The following MTSS1 variants were observed in gnomAD, a reference collection of about 807,000 sequenced individuals.
MTSS1 encodes MTSS I-BAR domain containing 1.
Under a neutral mutation model 79.0 loss-of-function variants are expected in MTSS1, and 18 were observed. The observed-to-expected ratio is 0.23, with a 90% CI of 0.16 to 0.34. The LOEUF (loss-of-function observed/expected upper bound fraction) is 0.34. MTSS1 is among the 10% of genes least tolerant of loss of function. The pLI is 1.00. For missense variants in MTSS1, 815 were observed against 986.2 expected (o/e 0.83, Z 2.33); for synonymous variants, 341 against 368.6 (o/e 0.93, Z 0.86).
Position 124,597,866 on chromosome 8 carries a change from G to A in MTSS1, c.209-6631C>T, listed in dbSNP as rs1220615954. On this transcript the variant is annotated intron_variant, in intron 3 of 13. Transcript: ENST00000518547. This position sits in a 1 kb window ranked among gnomAD's most constrained non-coding sequence, Gnocchi z 4.6. ...AGACAGAACCAGAGGAGAGGAGAAC[G>A]CTCTCAGGCATCTCTGCAGGAGAGG... is the stretch of plus-strand genomic sequence containing the variant. Among the ~76,000 whole-genome samples the A allele has an allele frequency of 1.3e-5, 2 of 152,232 alleles. No individual in the cohort carries two copies. The highest frequency in any genetic ancestry group is 2.4e-5 in the African/African-American group (1 of 41,454).
intron 3 of MTSS1, among the ~76,000 whole-genome samples, chr8:124,693,938 C>T (rs1564008918): frequency 6.6e-6 from 1 of 151,982 alleles, no homozygotes. Context: ...GCTCCTAGGC[C>T]CTTTATAGGT....
At chr8:124,620,975 T>C (rs1375740729) in intron 3 of MTSS1, among the ~76,000 whole-genome samples, 2 of 152,122 alleles carry the variant, frequency 1.3e-5, no homozygotes, top group Non-Finnish European at 2.9e-5. Context: ...TCCAGCCCCT[T>C]CCTGGTATCC....
At chr8:124,721,888 C>T (rs182044795) in intron 1 of MTSS1, among the ~76,000 whole-genome samples, 8 of 152,312 alleles carry the variant, frequency 5.3e-5, no homozygotes, top group Non-Finnish European at 1.2e-4. Flanking sequence ...TAACCACACG[C>T]ATGCAGCCAA....
At chr8:124,578,749 C>T (rs535429939) in intron 6 of MTSS1, among the ~76,000 whole-genome samples, 51 of 152,070 alleles carry the variant, frequency 3.4e-4, no homozygotes, top group Admixed American at 3.3e-4. Flanking sequence ...GAGCCGAGAT[C>T]GTGTCACTGA....
chr8:124,556,953 G>A (rs934600231), intron 11 of MTSS1, among the ~76,000 whole-genome samples: 9 of 152,208 alleles, frequency 5.9e-5, no homozygotes, highest in Admixed American at 3.3e-4. Context: ...GCCTTGAGAG[G>A]CCCACACCGC....
At chr8:124,627,965 G>A (rs1815066140) in intron 3 of MTSS1, among the ~76,000 whole-genome samples, 1 of 152,194 alleles carries the variant, frequency 6.6e-6, no homozygotes, top group Admixed American at 6.5e-5. Flanking sequence ...TCAGGAGTTA[G>A]AGACCAGCCT....
intron 13 of MTSS1, among the ~76,000 whole-genome samples, chr8:124,555,255 T>A (rs562189886): frequency 9.2e-5 from 14 of 151,564 alleles, no homozygotes; most frequent in African/African-American, 2.9e-4. Flanking sequence ...TTTATTATTA[T>A]TTTTTTTTGA....
At chr8:124,632,972 T>C (rs1816285756) in intron 3 of MTSS1, among the ~76,000 whole-genome samples, 1 of 151,434 alleles carries the variant, frequency 6.6e-6, no homozygotes, top group African/African-American at 2.4e-5. Context: ...CCGGCCTCAA[T>C]CCTGCCTTTC....
rs78802794 is a variant in MTSS1, at chr8:124,591,111, G to C, written c.293+40C>G. 4.0e-4 allele frequency: 613 copies of C among 1,543,808 alleles called. 2 individuals carry two copies. The African/African-American group carries it at 7.4e-3, about 19-fold the overall frequency. On this transcript the variant is annotated intron_variant, in intron 4 of 13. Transcript: ENST00000518547. ...TGACTGCTTCCTTAACCTGAAATCTGCAAGGGTGTTGGCGATCGGGGCCAA... is the reference window on the plus strand; with the variant it reads ...TGACTGCTTCCTTAACCTGAAATCTCCAAGGGTGTTGGCGATCGGGGCCAA...
intron 6 of MTSS1, among the ~76,000 whole-genome samples, chr8:124,576,186 G>A (rs1010690627): frequency 6.6e-6 from 1 of 152,194 alleles, no homozygotes; most frequent in Non-Finnish European, 1.5e-5. Context: ...GCTACAATCT[G>A]CATTCTTTAT....
intron 3 of MTSS1, among the ~76,000 whole-genome samples, chr8:124,670,597 T>C (rs1823973336): frequency 6.6e-6 from 1 of 152,174 alleles, no homozygotes. Flanking sequence ...GCAACATGAC[T>C]AAAAGCAAGG....
At chr8:124,701,750 T>C (rs953139788) in intron 2 of MTSS1, among the ~76,000 whole-genome samples, 4 of 152,216 alleles carry the variant, frequency 2.6e-5, no homozygotes, top group Admixed American at 6.5e-5. Context: ...TATTTCACTG[T>C]CCGCTGTAGT....
chr8:124,692,836 T>C (rs1828179619), intron 3 of MTSS1, among the ~76,000 whole-genome samples: 1 of 151,906 alleles, frequency 6.6e-6, no homozygotes, highest in Non-Finnish European at 1.5e-5. Flanking sequence ...TTGCACGCAG[T>C]CGTTCATTCA....
At chr8:124,657,268 G>T (rs902173315) in intron 3 of MTSS1, among the ~76,000 whole-genome samples, 1 of 152,078 alleles carries the variant, frequency 6.6e-6, no homozygotes, top group African/African-American at 2.4e-5. Flanking sequence ...GGGCTGGGGG[G>T]CAACATGTCT....
chr8:124,638,522 C>T (rs374090923), intron 3 of MTSS1, among the ~76,000 whole-genome samples: 1 of 152,162 alleles, frequency 6.6e-6, no homozygotes, highest in South Asian at 2.1e-4. Flanking sequence ...TTTCCTTCCC[C>T]GGCGGAGATC....
intron 10 of MTSS1, among the ~76,000 whole-genome samples, chr8:124,560,693 C>T (rs533157156): frequency 1.3e-5 from 2 of 152,240 alleles, no homozygotes; most frequent in South Asian, 2.1e-4. Flanking sequence ...AGTAACCCAC[C>T]GCAGGACTGC....
intron 13 of MTSS1, among the ~76,000 whole-genome samples, 198 bp downstream of exon 13, chr8:124,555,544 C>A (rs1288289064): frequency 3.3e-5 from 5 of 152,228 alleles, no homozygotes; most frequent in African/African-American, 1.2e-4. Flanking sequence ...CTGCGCCCGA[C>A]CCCAGATCCC....
In MTSS1 at chr8:124,556,407, T is replaced by C; in HGVS notation, c.1231-2A>G. 1 of 1,606,946 alleles carries C rather than the reference T, an allele frequency of 6.2e-7. No homozygotes were observed. Among genetic ancestry groups the C allele is most frequent in the South Asian group, 1.1e-5 (1 of 90,380 alleles). ...ATAGGGCCCAGGCTTAGCCCAGTCC[T>C]ATGCAAAACAAGTGCGGTCAGGAGC... is the stretch of plus-strand genomic sequence containing the variant. On this transcript the variant is annotated splice_acceptor_variant, in intron 11 of 13. Coordinates refer to ENST00000518547, the MANE Select transcript of MTSS1 (RefSeq NM_014751.6). LOFTEE classifies it high-confidence loss of function.
chr8:124,673,685 G>A (rs1022172823), intron 3 of MTSS1, among the ~76,000 whole-genome samples: 8 of 152,344 alleles, frequency 5.3e-5, no homozygotes, highest in African/African-American at 1.7e-4. Flanking sequence ...AAAGCTGCAC[G>A]TTTCTCTTGC....
Sources: gnomAD v4.1 joint callset for allele counts (sites outside exome capture counted in the v4.1 genomes callset) on GRCh38, gnomAD v4.1.1 for gene constraint, Gnocchi (gnomAD v3.1) non-coding constraint, MANE v1.5 for transcripts, NCBI Gene and HGNC (gene_info 2026-07-23, HGNC 2026-07-21) for gene names.